Variants in AVEN observed in about 807,000 individuals in gnomAD.
AVEN encodes apoptosis and caspase activation inhibitor.
A neutral mutation model predicts 38.1 loss-of-function variants in AVEN; 41 were observed. The observed-to-expected ratio is 1.08, with a 90% CI of 0.84 to 1.40. The LOEUF is 1.40. Among genes scored for constraint, AVEN ranks in the 40% most tolerant of loss-of-function variants. The pLI is 0.00. For missense variants in AVEN, 605 were observed against 438.8 expected (o/e 1.38, Z -3.38); for synonymous variants, 206 against 171.8 (o/e 1.20, Z -1.56).
At chr15:33,969,301 T>C (rs978476497) in intron 2 of AVEN, among the ~76,000 whole-genome samples, 1 of 152,106 alleles carries the variant, frequency 6.6e-6, no homozygotes, top group Non-Finnish European at 1.5e-5. Flanking sequence ...TTTTTACTTA[T>C]GCTGCATAAA....
intron 2 of AVEN, among the ~76,000 whole-genome samples, chr15:33,997,398 C>T (rs953646650): frequency 2.0e-5 from 3 of 152,110 alleles, no homozygotes; most frequent in African/African-American, 4.8e-5. Context: ...ACCACAAATA[C>T]AAAGATGTTC....
At chr15:34,022,759 A>C (rs1265542748) in intron 1 of AVEN, among the ~76,000 whole-genome samples, 2 of 152,158 alleles carry the variant, frequency 1.3e-5, no homozygotes, top group Non-Finnish European at 1.5e-5. Context: ...CATTCCCCCA[A>C]CACACACACA....
intron 2 of AVEN, among the ~76,000 whole-genome samples, chr15:33,995,021 G>A (rs1230483014): frequency 6.6e-6 from 1 of 152,120 alleles, no homozygotes. Flanking sequence ...CAGCACTTTG[G>A]GAGGCCAAAG....
intron 3 of AVEN, among the ~76,000 whole-genome samples, chr15:33,871,767 G>C (rs1324166519): frequency 5.3e-5 from 6 of 112,874 alleles, no homozygotes; most frequent in Non-Finnish European, 8.8e-5. Context: ...AAACGAGCTA[G>C]TCTCCTCAAA....
rs561482649 is a variant in AVEN, at chr15:34,038,657, C to G, written c.267+123G>C. The G allele has an allele frequency of 8.7e-5, 83 of 950,182 alleles. No homozygotes were observed. In the Middle Eastern group the frequency reaches 1.8e-3, roughly 21 times the overall value. 58.9% of individuals were successfully genotyped at this position (950,182 alleles called of 1,614,324 possible). On this transcript the variant is annotated intron_variant, in intron 1 of 5. Coordinates refer to ENST00000306730, the MANE Select transcript of AVEN (RefSeq NM_020371.3). ...CCACCATCCGCCCGTCCCGCGCAGG[C>G]GCCGGCGCCGCCGCCCGTCTGGCGC...
At chr15:33,936,505 G>C (rs1027177729) in intron 2 of AVEN, among the ~76,000 whole-genome samples, 3 of 152,078 alleles carry the variant, frequency 2.0e-5, no homozygotes, top group African/African-American at 7.2e-5. Context: ...AAATAAATGG[G>C]GAAATTTGCC....
chr15:34,060,295 A>G (rs1395128321), intron 5 of AVEN, among the ~76,000 whole-genome samples: 1 of 152,186 alleles, frequency 6.6e-6, no homozygotes, highest in African/African-American at 2.4e-5. Context: ...GTTAGACTGC[A>G]TGTGTTTGGG....
chr15:33,933,569 AGAGAGAGAGAG>A (rs1893954209), intron 2 of AVEN, among the ~76,000 whole-genome samples: 2 of 131,484 alleles, frequency 1.5e-5, no homozygotes, highest in Admixed American at 7.9e-5. Flanking sequence ...AGAGAGAGAG[AGAGAGAGAGAG>A]AACTGAGGCA....
At chr15:33,853,361 A>T in the AVEN span, among the ~76,000 whole-genome samples, 1 of 152,152 alleles carries the variant, frequency 6.6e-6, no homozygotes, top group African/African-American at 2.4e-5. Flanking sequence ...GTATCAGCTT[A>T]AAAAACAGTT....
chr15:34,018,974 G>A (rs1898086122), intron 1 of AVEN, among the ~76,000 whole-genome samples: 1 of 152,036 alleles, frequency 6.6e-6, no homozygotes, highest in Non-Finnish European at 1.5e-5. Flanking sequence ...GCTGATTGGT[G>A]TGTTTTTACA....
chr15:33,970,815 T>G (rs1895605108), intron 2 of AVEN, among the ~76,000 whole-genome samples: 1 of 151,980 alleles, frequency 6.6e-6, no homozygotes, highest in Non-Finnish European at 1.5e-5. Context: ...GAGACTCATA[T>G]CCCACTAATT....
intron 3 of AVEN, among the ~76,000 whole-genome samples, chr15:33,873,514 C>G (rs1332987734): frequency 1.4e-5 from 2 of 147,356 alleles, no homozygotes; most frequent in African/African-American, 4.9e-5. Context: ...TATATATACA[C>G]TCAACATATA....
intron 2 of AVEN, among the ~76,000 whole-genome samples, chr15:33,900,125 C>G (rs1892428715): frequency 6.6e-6 from 1 of 151,962 alleles, no homozygotes. Context: ...CTCTTCTTCT[C>G]TCTAAGCCCT....
chr15:33,956,048 A>G (rs924989705), intron 2 of AVEN, among the ~76,000 whole-genome samples: 1 of 152,206 alleles, frequency 6.6e-6, no homozygotes, highest in Non-Finnish European at 1.5e-5. Flanking sequence ...GCTGGGAATA[A>G]TGTGACCTTT....
chr15:33,875,699 G>C (rs1215891226), intron 3 of AVEN, among the ~76,000 whole-genome samples: 1 of 152,138 alleles, frequency 6.6e-6, no homozygotes, highest in Non-Finnish European at 1.5e-5. Flanking sequence ...CCCCGTCCAT[G>C]TGGGCTGCAT....
At chr15:33,894,862 G>C (rs186445315) in intron 2 of AVEN, among the ~76,000 whole-genome samples, 120 of 147,066 alleles carry the variant, frequency 8.2e-4, no homozygotes, top group Non-Finnish European at 1.5e-3. Context: ...ATAGAATGCT[G>C]TTTTAATTGC....
chr15:34,034,676 A>G (rs1468917106), intron 1 of AVEN, among the ~76,000 whole-genome samples: 2 of 152,190 alleles, frequency 1.3e-5, no homozygotes, highest in Non-Finnish European at 2.9e-5. Flanking sequence ...GAAAATATGT[A>G]AGTGAAATAG....
At chr15:34,004,632 T>G (rs948570201) in intron 1 of AVEN, among the ~76,000 whole-genome samples, 2 of 152,202 alleles carry the variant, frequency 1.3e-5, no homozygotes, top group African/African-American at 4.8e-5. Flanking sequence ...ATATAAACAC[T>G]GAACTCTTTA....
chr15:34,038,149 C>A (rs1185301055), intron 1 of AVEN, among the ~76,000 whole-genome samples: 1 of 152,078 alleles, frequency 6.6e-6, no homozygotes, highest in Non-Finnish European at 1.5e-5. Context: ...AACGACAAAG[C>A]CCAGTGCTCG....
Sources: allele counts gnomAD v4.1 joint callset (sites outside exome capture counted in the v4.1 genomes callset), GRCh38; gene constraint gnomAD v4.1.1; transcripts MANE v1.5; gene names NCBI Gene and HGNC (gene_info 2026-07-23, HGNC 2026-07-21).